The following TTC28 variants were observed in gnomAD, a reference collection of about 807,000 sequenced individuals.
The protein encoded by TTC28 is tetratricopeptide repeat domain 28.
A neutral mutation model predicts 198.0 loss-of-function variants in TTC28; 61 were observed. That is an observed-to-expected ratio of 0.31 (90% CI 0.25 to 0.38). The LOEUF (loss-of-function observed/expected upper bound fraction) is 0.38, where lower values mean the gene tolerates loss of function less well. Ranked by LOEUF, TTC28 falls within the 10% of genes least tolerant of loss-of-function variation. TTC28 has a pLI of 1.00. For synonymous variants in TTC28, 1,171 were observed against 1,297.8 expected (o/e 0.90, Z 2.10); for missense variants, 2,678 against 3,164.0 (o/e 0.85, Z 3.69).
intron 2 of TTC28, among the ~76,000 whole-genome samples, chr22:28,545,441 T>G (rs957772412): frequency 1.3e-5 from 2 of 151,988 alleles, no homozygotes; most frequent in African/African-American, 2.4e-5. Flanking sequence ...TAGCCAGGCA[T>G]AGTGGCATGC....
At chr22:28,147,304 T>C (rs1218123841) in intron 6 of TTC28, among the ~76,000 whole-genome samples, 5 of 152,206 alleles carry the variant, frequency 3.3e-5, no homozygotes. Context: ...GTGGATTTCA[T>C]GCTGGAAAAG....
intron 13 of TTC28, among the ~76,000 whole-genome samples, chr22:28,015,759 T>C (rs1938346923): frequency 6.6e-6 from 1 of 151,778 alleles, no homozygotes; most frequent in Non-Finnish European, 1.5e-5. Context: ...TTAGACACTG[T>C]TCATAGTTTA....
At chr22:28,486,780 C>G (rs1180922163) in intron 2 of TTC28, among the ~76,000 whole-genome samples, 1 of 152,134 alleles carries the variant, frequency 6.6e-6, no homozygotes, top group Non-Finnish European at 1.5e-5. Context: ...CTTGCAACTC[C>G]ATTTTCACGT....
chr22:28,003,505 G>A (rs1937799568), intron 14 of TTC28, among the ~76,000 whole-genome samples: 1 of 152,128 alleles, frequency 6.6e-6, no homozygotes, highest in Non-Finnish European at 1.5e-5. Context: ...CCCCAGGCCT[G>A]CAGGTCCTCC....
rs575199392 is a variant in TTC28, at chr22:28,105,306, A to C, written c.3280T>G (p.Ser1094Ala). ...GRTHHALQNY[S>A]QAVMYLQEGL... ...TCCTGTAAGTACATGACTGCTTGGG[A>C]ATAGTTCTGCAAGGCATGATGGGTC... is the stretch of plus-strand genomic sequence containing the variant. Residue 1094 changes from serine to alanine, a missense_variant, in exon 8 of 23, where the codon TCC (serine) becomes GCC (alanine). By Grantham distance (99) the Ser-to-Ala change is moderately conservative. Transcript: ENST00000397906. 1 of 1,551,658 alleles carries C rather than the reference A, an allele frequency of 6.4e-7. No homozygotes were observed. The highest frequency in any genetic ancestry group is 1.4e-5 in the African/African-American group (1 of 73,166).
chr22:28,270,483 T>C (rs1413472040), intron 5 of TTC28, among the ~76,000 whole-genome samples: 2 of 152,066 alleles, frequency 1.3e-5, no homozygotes, highest in South Asian at 2.1e-4. Context: ...AAAGCAACTC[T>C]AGACTTCTTT....
intron 2 of TTC28, among the ~76,000 whole-genome samples, chr22:28,489,825 A>G (rs2048352480): frequency 6.6e-6 from 1 of 152,150 alleles, no homozygotes; most frequent in South Asian, 2.1e-4. Context: ...TGGGTGTATT[A>G]GGGTTCTCTA....
At chr22:28,193,825 C>T (rs1184854606) in intron 5 of TTC28, among the ~76,000 whole-genome samples, 5 of 152,216 alleles carry the variant, frequency 3.3e-5, no homozygotes, top group Admixed American at 6.5e-5. Context: ...TAGACTCCCA[C>T]GCAAGAATAA....
intron 13 of TTC28, among the ~76,000 whole-genome samples, chr22:28,027,734 C>T (rs2146622322): frequency 6.6e-6 from 1 of 152,378 alleles, no homozygotes; most frequent in African/African-American, 2.4e-5. Context: ...AGTCACAAGC[C>T]AGTGCACTCT....
chr22:28,149,757 C>A (rs1434657614), intron 6 of TTC28, among the ~76,000 whole-genome samples: 1 of 152,062 alleles, frequency 6.6e-6, no homozygotes, highest in East Asian at 1.9e-4. Context: ...GTGGGGGATG[C>A]AGAGAAGGGA....
intron 2 of TTC28, among the ~76,000 whole-genome samples, chr22:28,415,928 C>A (rs762481254): frequency 8.5e-5 from 13 of 152,212 alleles, no homozygotes; most frequent in African/African-American, 1.4e-4. Context: ...TAAATGTATA[C>A]GTTTTCTCCA....
At chr22:28,025,038 TG>T (rs1938772306) in intron 13 of TTC28, among the ~76,000 whole-genome samples, 1 of 152,086 alleles carries the variant, frequency 6.6e-6, no homozygotes, top group Non-Finnish European at 1.5e-5. Flanking sequence ...TATGCAATCT[TG>T]GGGGTTCAAA....
At chr22:28,591,034 C>CATAT (rs2050422125) in intron 2 of TTC28, among the ~76,000 whole-genome samples, 3 of 48,068 alleles carry the variant, frequency 6.2e-5, no homozygotes, top group Admixed American at 2.7e-4. Context: ...CACACACACA[C>CATAT]ACACACATAT....
intron 1 of TTC28, among the ~76,000 whole-genome samples, chr22:28,648,408 TACA>T (rs1336681627): frequency 6.6e-6 from 1 of 152,184 alleles, no homozygotes; most frequent in East Asian, 1.9e-4. Context: ...TGCAAATTAG[TACA>T]ACATCTGTGT....
intron 5 of TTC28, among the ~76,000 whole-genome samples, chr22:28,191,496 C>T (rs978626206): frequency 1.3e-5 from 2 of 152,212 alleles, no homozygotes; most frequent in African/African-American, 4.8e-5. Flanking sequence ...CGAGGCATCG[C>T]CTCACCCGGG....
In TTC28 at chr22:27,999,127, G is replaced by T; in HGVS notation, c.4532C>A (p.Ala1511Asp). 1 of 1,550,582 alleles carries T rather than the reference G, an allele frequency of 6.4e-7. No individual in the cohort carries two copies. The change falls in exon 16 of 23, where the codon GCC (alanine) becomes GAC (aspartate). Residue 1511 changes from alanine (A) to aspartate (D), a missense_variant. Around this residue, in one of 8 missense-constraint regions of TTC28, gnomAD observed 727 missense variants for 861.9 expected, o/e 0.84. Transcript: ENST00000397906. Reference protein sequence around the residue: ...WGPMPSAEEEAYMVSELLGCQ... With the variant: ...WGPMPSAEEEDYMVSELLGCQ... ...GCCCAGCAGCTCGGACACCATGTAG[G>T]CCTCTTCCTCGGCCGATGGCATGGG... is the stretch of plus-strand genomic sequence containing the variant.
chr22:28,131,868 T>C (rs1943066526), intron 6 of TTC28, among the ~76,000 whole-genome samples: 1 of 152,228 alleles, frequency 6.6e-6, no homozygotes, highest in Admixed American at 6.5e-5. Flanking sequence ...TATTAATATA[T>C]AGCCTGAATA....
chr22:28,614,752 C>T (rs111653413), intron 2 of TTC28, among the ~76,000 whole-genome samples: 8 of 151,850 alleles, frequency 5.3e-5, no homozygotes, highest in African/African-American at 1.2e-4. Context: ...TGCAAAAAAC[C>T]GAAACTGGAC....
intron 2 of TTC28, among the ~76,000 whole-genome samples, chr22:28,344,513 G>C (rs182066557): frequency 6.6e-6 from 1 of 152,216 alleles, no homozygotes; most frequent in African/African-American, 2.4e-5. Flanking sequence ...CATGCTGAAA[G>C]ATCTAGAAAG....
Sources: allele counts gnomAD v4.1 joint callset (sites outside exome capture counted in the v4.1 genomes callset), GRCh38; gene constraint gnomAD v4.1.1; regional missense constraint gnomAD v4.1.1; transcripts MANE v1.5; gene names NCBI Gene and HGNC (gene_info 2026-07-23, HGNC 2026-07-21).